APBB2: variants seen among roughly 807,000 people sequenced by gnomAD.
APBB2 encodes Fe65-like 1.
In APBB2, 38 loss-of-function variants were observed where a neutral mutation model predicts 82.5. That is an observed-to-expected ratio of 0.46 (90% CI 0.36 to 0.60). The LOEUF (loss-of-function observed/expected upper bound fraction) is 0.60, where lower values mean the gene tolerates loss of function less well. Among genes scored for constraint, APBB2 ranks in the 20% least tolerant of loss-of-function variants. The probability of loss-of-function intolerance (pLI) is 0.00; values close to 1 mark genes in which losing one functional copy is unlikely to be tolerated. For synonymous variants in APBB2, 341 were observed against 368.2 expected, an observed-to-expected ratio of 0.93 and a Z score of 0.85; for missense variants, 772 against 972.3, an observed-to-expected ratio of 0.79 and a Z score of 2.74.
chr4:40,867,839 C>A (rs1455361124), intron 12 of APBB2, among the ~76,000 whole-genome samples: 3 of 147,996 alleles, frequency 2.0e-5, no homozygotes, highest in African/African-American at 7.5e-5. Flanking sequence ...TTTTGTGGGA[C>A]CTAAAGCTTA....
At chr4:40,984,597 T>C (rs1353710831) in intron 6 of APBB2, among the ~76,000 whole-genome samples, 2 of 152,116 alleles carry the variant, frequency 1.3e-5, no homozygotes, top group Admixed American at 6.5e-5. Flanking sequence ...TGGTTCACCA[T>C]GGAGTGATAA....
intron 12 of APBB2, among the ~76,000 whole-genome samples, chr4:40,870,250 C>T (rs550620088): frequency 2.6e-5 from 4 of 152,336 alleles, no homozygotes; most frequent in South Asian, 2.1e-4. Context: ...CCACTGTGCC[C>T]ACCACTGCCA....
intron 12 of APBB2, chr4:40,857,065 G>A (rs1261293390): frequency 5.1e-6 from 5 of 985,398 alleles, no homozygotes; most frequent in Non-Finnish European, 6.0e-6. Context: ...CGGGGATGCC[G>A]CCCCAGGTGC....
chr4:41,037,034 T>C (rs188948306), intron 4 of APBB2, among the ~76,000 whole-genome samples: 21 of 152,334 alleles, frequency 1.4e-4, no homozygotes, highest in South Asian at 4.1e-4. Context: ...CTAGAAGCTA[T>C]TGAATACTTA....
At chr4:40,989,699 C>G (rs111429495) in intron 6 of APBB2, among the ~76,000 whole-genome samples, 6 of 152,304 alleles carry the variant, frequency 3.9e-5, no homozygotes, top group African/African-American at 1.4e-4. Flanking sequence ...CAGCCCCCTA[C>G]TGAGTCCAGG....
intron 3 of APBB2, among the ~76,000 whole-genome samples, chr4:41,071,733 G>T (rs1020828530): frequency 1.3e-5 from 2 of 152,124 alleles, no homozygotes; most frequent in Non-Finnish European, 1.5e-5. Flanking sequence ...AAGACATTGA[G>T]AATGATCACG....
At chr4:40,976,786 T>G (rs1797271844) in intron 6 of APBB2, among the ~76,000 whole-genome samples, 1 of 152,110 alleles carries the variant, frequency 6.6e-6, no homozygotes, top group African/African-American at 2.4e-5. Flanking sequence ...TGCCTGTAAT[T>G]CCAGCACTTT....
intron 1 of APBB2, among the ~76,000 whole-genome samples, chr4:41,159,818 T>A (rs1445357210): frequency 7.8e-6 from 1 of 128,390 alleles, no homozygotes; most frequent in East Asian, 2.2e-4. Context: ...AATAGAAGCA[T>A]CCAAAGAAAA....
At chr4:40,973,003 G>A (rs1218182850) in intron 6 of APBB2, among the ~76,000 whole-genome samples, 1 of 152,216 alleles carries the variant, frequency 6.6e-6, no homozygotes, top group East Asian at 1.9e-4. Flanking sequence ...CCAGTGGTAT[G>A]TACAATAAAC....
At chr4:41,077,256 C>T (rs1216829912) in intron 3 of APBB2, among the ~76,000 whole-genome samples, 1 of 150,802 alleles carries the variant, frequency 6.6e-6, no homozygotes, top group African/African-American at 2.4e-5. Context: ...GGCAATCCTC[C>T]CACCTTGACC....
At chr4:41,192,988 A>AGGCACCATTTGATTTCT (rs1475908978) in intron 1 of APBB2, among the ~76,000 whole-genome samples, 1 of 152,212 alleles carries the variant, frequency 6.6e-6, no homozygotes. Context: ...CACAGGTTAA[A>AGGCACCATTTGATTTCT]GGCACCATTT....
chr4:41,046,602 A>C (rs1723520555), intron 4 of APBB2, among the ~76,000 whole-genome samples: 1 of 152,216 alleles, frequency 6.6e-6, no homozygotes, highest in African/African-American at 2.4e-5. Flanking sequence ...TTTAAAAAAA[A>C]AAATCAAGAT....
chr4:40,837,451 T>G (rs1006825879), intron 12 of APBB2, among the ~76,000 whole-genome samples: 38 of 152,236 alleles, frequency 2.5e-4, no homozygotes, highest in African/African-American at 8.4e-4. Flanking sequence ...GGGTCCAGGC[T>G]TCAGCATCTC....
chr4:40,839,968 C>T (rs559344904), intron 12 of APBB2, among the ~76,000 whole-genome samples: 57 of 152,210 alleles, frequency 3.7e-4, no homozygotes, highest in African/African-American at 1.3e-3. Context: ...CCTGGCCCCA[C>T]GAGGGGTGTT....
In APBB2 at chr4:40,839,531, T is replaced by C. The variant is rs528238063; in HGVS notation, c.1530-8954A>G. Among the ~76,000 whole-genome samples, 14 of 152,274 alleles carry C rather than the reference T, an allele frequency of 9.2e-5. 1 individual carries two copies. The South Asian group carries it at 2.5e-3, about 27-fold the overall frequency. ...AGGTCAAATACATGGCATGTTTTAT[T>C]GAGGGAATTTGTGAAGGCTGGCACA... On this transcript the variant is annotated intron_variant, in intron 12 of 17. Transcript: ENST00000508593.
chr4:40,962,579 C>T (rs1034683007), intron 6 of APBB2, among the ~76,000 whole-genome samples: 9 of 152,266 alleles, frequency 5.9e-5, no homozygotes, highest in Admixed American at 5.2e-4. Flanking sequence ...ATGTCCCATA[C>T]GTCATAGGTG....
chr4:40,904,779 G>A (rs545080495), intron 10 of APBB2, among the ~76,000 whole-genome samples: 1 of 151,008 alleles, frequency 6.6e-6, no homozygotes, highest in Non-Finnish European at 1.5e-5. Flanking sequence ...CTGGAGTGAA[G>A]CTTGACCCAG....
rs2465546 is a variant in APBB2, at chr4:40,861,658, G to A, written c.1529+28706C>T. 7.9e-3 allele frequency among the ~76,000 whole-genome samples: 1,197 copies of A among 152,290 alleles called. 17 individuals carry two copies. The highest frequency in any genetic ancestry group is 0.027 in the African/African-American group (1,136 of 41,532). ...TGTACAGAAAAGGTACACAAACGGT[G>A]TTTATGGAATGAAGGCAGTTTTTAA... On this transcript the variant is annotated intron_variant, in intron 12 of 17. Transcript: ENST00000508593.
intron 12 of APBB2, among the ~76,000 whole-genome samples, chr4:40,839,724 G>A (rs1299214747): frequency 6.6e-6 from 1 of 151,780 alleles, no homozygotes; most frequent in Non-Finnish European, 1.5e-5. Context: ...GAGTGCAGTG[G>A]TGCCATCTCG....
Sources: gnomAD v4.1 joint callset for allele counts (sites outside exome capture counted in the v4.1 genomes callset) on GRCh38, gnomAD v4.1.1 for gene constraint, MANE v1.5 for transcripts, NCBI Gene and HGNC (gene_info 2026-07-23, HGNC 2026-07-21) for gene names.